The following TEX11 variants were observed in gnomAD, a reference collection of about 807,000 sequenced individuals.
TEX11 encodes testis expressed 11, also known as testis-expressed protein 11.
In TEX11, 7 loss-of-function variants were observed where a neutral mutation model predicts 84.4. The ratio of observed to expected loss-of-function variants is 0.08; its 90% CI spans 0.05 to 0.16. TEX11 has a LOEUF of 0.16. TEX11 is among the 10% of genes least tolerant of loss of function. The probability of loss-of-function intolerance (pLI) is 1.00; values close to 1 mark genes in which losing one functional copy is unlikely to be tolerated. For synonymous variants in TEX11, 264 were observed against 222.8 expected (o/e 1.18, Z -1.64); for missense variants, 551 against 660.5 (o/e 0.83, Z 1.82).
At chrX:70,679,644 A>C (rs1289324272) in intron 14 of TEX11, among the ~76,000 whole-genome samples, 1 of 102,059 alleles carries the variant, frequency 9.8e-6, no homozygotes, top group Admixed American at 1.0e-4. Flanking sequence ...GCTGTCTGAG[A>C]AGTGAGAAGC....
At chrX:70,601,720 TAGGGAGTGGTGATGACTCTTAACG>T (rs2089116986) in intron 24 of TEX11, among the ~76,000 whole-genome samples, 1 of 97,947 alleles carries the variant, frequency 1.0e-5, no homozygotes, top group Non-Finnish European at 2.1e-5. Flanking sequence ...TACTTAAGAT[TAGGGAGTGGTGATGACTCTTAACG>T]AGCATGCTGC....
chrX:70,674,593 G>A (rs1214739551), intron 15 of TEX11, among the ~76,000 whole-genome samples: 1 of 111,477 alleles, frequency 9.0e-6, no homozygotes, highest in Non-Finnish European at 1.9e-5. Context: ...ATGTATCTTG[G>A]CTATTTTCAT....
At chrX:70,643,717 T>G (rs2089697446) in intron 17 of TEX11, among the ~76,000 whole-genome samples, 1 of 103,041 alleles carries the variant, frequency 9.7e-6, no homozygotes, top group Admixed American at 1.1e-4. Context: ...TGGCTAGCCA[T>G]ATGTAGAAAG....
At chrX:70,613,477 A>C (rs1205118661) in intron 20 of TEX11, among the ~76,000 whole-genome samples, 1 of 112,026 alleles carries the variant, frequency 8.9e-6, no homozygotes, top group African/African-American at 3.2e-5. Context: ...AAACACAGCC[A>C]ACTCCCGCTA....
intron 4 of TEX11, among the ~76,000 whole-genome samples, chrX:70,865,779 C>T (rs2091595907): frequency 8.9e-6 from 1 of 111,798 alleles, no homozygotes; most frequent in African/African-American, 3.2e-5. Context: ...ACAACCTGTT[C>T]CTGAATGACT....
chrX:70,714,960 C>T (rs1427551708), intron 13 of TEX11, among the ~76,000 whole-genome samples: 4 of 111,404 alleles, frequency 3.6e-5, no homozygotes, highest in Non-Finnish European at 7.5e-5. Flanking sequence ...TTAGTGCTTC[C>T]TTCAGGAGCT....
intron 28 of TEX11, among the ~76,000 whole-genome samples, chrX:70,534,397 G>A (rs2087929878): frequency 9.0e-6 from 1 of 111,649 alleles, no homozygotes; most frequent in South Asian, 3.8e-4. Flanking sequence ...CCAGAAGAAT[G>A]ATGGTGTCAT....
At chrX:70,611,175 T>C (rs936900999) in intron 20 of TEX11, among the ~76,000 whole-genome samples, 6 of 112,392 alleles carry the variant, frequency 5.3e-5, no homozygotes, top group Non-Finnish European at 7.5e-5. Context: ...GAACTTCCGG[T>C]TTCTAGTTAT....
chrX:70,583,166 G>A (rs996801438), intron 25 of TEX11, among the ~76,000 whole-genome samples: 1 of 111,122 alleles, frequency 9.0e-6, no homozygotes, highest in Non-Finnish European at 1.9e-5. Context: ...GATATATTAA[G>A]TAGTAGTGAA....
At chrX:70,628,549 A>G (rs1466978361) in intron 18 of TEX11, among the ~76,000 whole-genome samples, 1 of 111,883 alleles carries the variant, frequency 8.9e-6, no homozygotes, top group Non-Finnish European at 1.9e-5. Flanking sequence ...ATATACTTAC[A>G]TAGAACTCTA....
At chrX:70,592,602 C>T (rs1217983301) in intron 24 of TEX11, among the ~76,000 whole-genome samples, 2 of 111,611 alleles carry the variant, frequency 1.8e-5, no homozygotes, top group African/African-American at 6.5e-5. Context: ...CAGCTCTCAT[C>T]TCAGCTGCTT....
intron 15 of TEX11, among the ~76,000 whole-genome samples, chrX:70,674,763 C>T (rs1241231483): frequency 3.6e-5 from 4 of 111,112 alleles, no homozygotes; most frequent in South Asian, 3.8e-4. Context: ...ACAATCTCTG[C>T]CTTTTCACTG....
At chrX:70,525,242 G>GA (rs1433223582), downstream of TEX11, among the ~76,000 whole-genome samples, 4 of 110,290 alleles carry the variant, frequency 3.6e-5, no homozygotes, top group Middle Eastern at 4.7e-3. Context: ...CGTATGTGTA[G>GA]AAAAAAAGAC....
chrX:70,793,460 T>A, intron 9 of TEX11, among the ~76,000 whole-genome samples: 1 of 111,705 alleles, frequency 9.0e-6, no homozygotes, highest in African/African-American at 3.3e-5. Context: ...CCCATCCCCT[T>A]GGTGATGAGT....
rs1378752682 is a variant in TEX11, at chrX:70,679,819, G to A, written c.1157-930C>T. ...CCCGCCCGGCCAGCCGCCCCGTCCG[G>A]GAGGGAGGTGGGAGGGGTCAGCCCC... On this transcript the variant is annotated intron_variant, in intron 14 of 29. Coordinates refer to ENST00000374333, the MANE Select transcript of TEX11 (RefSeq NM_031276.3). Among the ~76,000 whole-genome samples, 124 of 102,570 alleles carry A rather than the reference G, an allele frequency of 1.2e-3. 5 individuals carry two copies. The highest frequency in any genetic ancestry group is 2.8e-4 in the Non-Finnish European group (14 of 49,269). 89.1% of individuals were successfully genotyped at this position (102,570 alleles called of 115,157 possible).
At chrX:70,818,144 C>A (rs2091299483) in intron 8 of TEX11, among the ~76,000 whole-genome samples, 1 of 110,592 alleles carries the variant, frequency 9.0e-6, no homozygotes, top group Non-Finnish European at 1.9e-5. Flanking sequence ...CAAAAATTAT[C>A]CAGGCGTGGT....
chrX:70,765,113 C>T (rs951153783), intron 9 of TEX11, among the ~76,000 whole-genome samples: 3 of 111,471 alleles, frequency 2.7e-5, no homozygotes, highest in Admixed American at 9.6e-5. Flanking sequence ...TGGCCGAGTG[C>T]GGTGGCTCAC....
chrX:70,644,054 T>G (rs1174362606), intron 17 of TEX11, among the ~76,000 whole-genome samples: 29 of 101,007 alleles, frequency 2.9e-4, no homozygotes, highest in Non-Finnish European at 5.2e-4. Context: ...GAATCTACAA[T>G]GAACTCAAAC....
rs746368762 is a variant in TEX11 at position 70,553,344 on chromosome X, G to C, written c.2361C>G (p.Leu787=). The stretch of plus-strand genomic sequence containing the variant: ...TATCAATTGGTTCTTCCTTTTTGTA[G>C]AGCAATAAAGCCTTTTTCAAGGCCT... The part of the protein sequence containing the change: ...ALKALKKALL[L]YKKEEPIDIS... The change falls in exon 27 of 30, where the codon CTC becomes CTG. Residue 787 remains leucine, a synonymous_variant. Coordinates refer to ENST00000374333, the MANE Select transcript of TEX11 (RefSeq NM_031276.3). 31 of 1,205,377 alleles carry C rather than the reference G, an allele frequency of 2.6e-5. No homozygotes were observed. Among genetic ancestry groups the C allele is most frequent in the Non-Finnish European group, 3.5e-5 (31 of 892,171 alleles).
Sources: allele counts gnomAD v4.1 joint callset (sites outside exome capture counted in the v4.1 genomes callset), GRCh38; gene constraint gnomAD v4.1.1; transcripts MANE v1.5; gene names NCBI Gene and HGNC (gene_info 2026-07-23, HGNC 2026-07-21).